Variants in SEPTIN14 observed in about 807,000 individuals in gnomAD.
SEPTIN14 encodes septin 14, also known as septin-14.
Under a neutral mutation model 53.6 loss-of-function variants are expected in SEPTIN14, and 40 were observed. That is an observed-to-expected ratio of 0.75 (90% CI 0.58 to 0.97). The LOEUF (loss-of-function observed/expected upper bound fraction) is 0.97, where lower values mean the gene tolerates loss of function less well. SEPTIN14 is among the 50% of genes least tolerant of loss of function. The pLI is 0.00. For missense variants in SEPTIN14, 471 were observed against 508.2 expected (o/e 0.93, Z 0.70); for synonymous variants, 138 against 166.8 (o/e 0.83, Z 1.33).
chr7:55,858,320 C>T (rs1584276974), intron 2 of SEPTIN14, among the ~76,000 whole-genome samples: 1 of 152,212 alleles, frequency 6.6e-6, no homozygotes. Context: ...AGTATTCTCA[C>T]GTACCTTCAT....
intron 5 of SEPTIN14, among the ~76,000 whole-genome samples, chr7:55,841,604 T>C (rs1789313075): frequency 6.6e-6 from 1 of 151,918 alleles, no homozygotes; most frequent in Non-Finnish European, 1.5e-5. Context: ...GCCTGTAATC[T>C]CAGCATTTTG....
intron 2 of SEPTIN14, among the ~76,000 whole-genome samples, chr7:55,858,032 C>G (rs1199145421): frequency 6.6e-6 from 1 of 152,188 alleles, no homozygotes; most frequent in Non-Finnish European, 1.5e-5. Context: ...GGACATGCAA[C>G]AGCAGCAATG....
At chr7:55,846,065 G>GTATATATA (rs56306800) in intron 3 of SEPTIN14, among the ~76,000 whole-genome samples, 2,456 of 39,552 alleles carry the variant, frequency 0.062, 368 homozygotes, top group African/African-American at 0.16. Flanking sequence ...AAAAAAAAAA[G>GTATATATA]TATATATATA....
chr7:55,849,074 C>T (rs1215388657), intron 2 of SEPTIN14, among the ~76,000 whole-genome samples: 1 of 152,042 alleles, frequency 6.6e-6, no homozygotes, highest in Non-Finnish European at 1.5e-5. Context: ...CCTGAAATCC[C>T]AGCAGTTTGA....
chr7:55,811,396 C>G (rs1788703061), intron 7 of SEPTIN14: 2 of 488,446 alleles, frequency 4.1e-6, no homozygotes, highest in African/African-American at 3.9e-5. Flanking sequence ...CAACTACTGC[C>G]CTTTCTAGGA....
intron 9 of SEPTIN14, among the ~76,000 whole-genome samples, chr7:55,801,567 C>T (rs1293185568): frequency 1.3e-5 from 2 of 152,104 alleles, no homozygotes; most frequent in Non-Finnish European, 2.9e-5. Context: ...ACAAAAAATG[C>T]TACCAAAGAA....
chr7:55,809,303 T>C (rs1788658189), intron 7 of SEPTIN14, among the ~76,000 whole-genome samples: 1 of 144,366 alleles, frequency 6.9e-6, no homozygotes, highest in Admixed American at 7.1e-5. Flanking sequence ...AAAGCTACTA[T>C]GCTTACTTTT....
chr7:55,850,433 C>T (rs538665112), intron 2 of SEPTIN14, among the ~76,000 whole-genome samples: 51 of 152,248 alleles, frequency 3.3e-4, no homozygotes, highest in Middle Eastern at 3.4e-3. Flanking sequence ...TTACACCATG[C>T]ACTCCAGCCT....
At chr7:55,821,816 C>T (rs1788900444) in intron 6 of SEPTIN14, among the ~76,000 whole-genome samples, 2 of 152,106 alleles carry the variant, frequency 1.3e-5, no homozygotes, top group African/African-American at 4.8e-5. Flanking sequence ...TTATTTTCAA[C>T]TTTGGAGAAA....
chr7:55,796,002 T>A lies in SEPTIN14; in HGVS notation c.1210A>T (p.Ile404Leu), dbSNP rs1788426547. 2 of 1,569,518 alleles carry A rather than the reference T, an allele frequency of 1.3e-6. No individual in the cohort carries two copies. Among genetic ancestry groups the A allele is most frequent in the Non-Finnish European group, 1.7e-6 (2 of 1,155,458 alleles). ...GCAGCTTTCATTTTATAAAAATCTA[T>A]GATTTCTCCTTCCAGTTGTTTTTTC... ...EEKKQLEGEI[I>L]DFYKMKAASE... is the part of the protein sequence containing the mutation. The change falls in exon 10 of 10, where the codon ATA (isoleucine) becomes TTA (leucine). Residue 404 changes from isoleucine (I) to leucine (L), a missense_variant. Coordinates refer to ENST00000388975, the MANE Select transcript of SEPTIN14 (RefSeq NM_207366.3).
intron 6 of SEPTIN14, among the ~76,000 whole-genome samples, chr7:55,821,731 G>A (rs1387269275): frequency 6.6e-6 from 1 of 152,126 alleles, no homozygotes; most frequent in Non-Finnish European, 1.5e-5. Context: ...AATTTATATG[G>A]CTTTACAAAT....
At chr7:55,844,828 A>C (rs1789374098) in intron 3 of SEPTIN14, 110 bp from the exon 4 acceptor site, 1 of 479,470 alleles carries the variant, frequency 2.1e-6, no homozygotes, top group South Asian at 7.1e-5. Context: ...AACTCATAGA[A>C]GTAGAGAGTA....
At position 55,843,203 on chromosome 7, in the gene SEPTIN14, A is replaced by C. The variant is rs181825118; in HGVS notation, c.372-75T>G. On this transcript the variant is annotated intron_variant, in intron 4 of 9. Transcript: ENST00000388975. ...CCTGCTTTTTGACCACTTAATGAGC[A>C]GTTAACATGTATGTAAGCAGTTTGC... 1.6e-4 allele frequency: 137 copies of C among 835,700 alleles called. 1 individual carries two copies. The Admixed American group carries it at 3.4e-3, about 21-fold the overall frequency. The allele number at this position is 835,700 out of a possible 1,614,324, so 51.8% of individuals were successfully genotyped here. A position where few individuals can be genotyped will look rare whatever the true frequency, so the allele number is the denominator to read the frequency against.
chr7:55,842,824 A>G (rs1789336344), intron 5 of SEPTIN14, 118 bp downstream of exon 5: 1 of 514,682 alleles, frequency 1.9e-6, no homozygotes, highest in East Asian at 3.5e-5. Flanking sequence ...GAAGCTGGAG[A>G]ATGGCGTGAA....
At chr7:55,839,661 T>C (rs1389187568) in intron 5 of SEPTIN14, among the ~76,000 whole-genome samples, 1 of 152,168 alleles carries the variant, frequency 6.6e-6, no homozygotes, top group East Asian at 1.9e-4. Flanking sequence ...ACTGGGGATC[T>C]TGTAACTTAC....
At chr7:55,798,577 T>C in intron 9 of SEPTIN14, 1 of 383,556 alleles carries the variant, frequency 2.6e-6, no homozygotes, top group South Asian at 2.2e-5. Flanking sequence ...CTGAGAAGGA[T>C]GGACGCAGCC....
chr7:55,859,594 T>A (rs975454451), intron 2 of SEPTIN14, among the ~76,000 whole-genome samples: 7 of 152,234 alleles, frequency 4.6e-5, no homozygotes, highest in African/African-American at 1.7e-4. Context: ...ACTTAAGTTC[T>A]ATTATGATCC....
intron 9 of SEPTIN14, among the ~76,000 whole-genome samples, chr7:55,797,598 G>A (rs560723657): frequency 7.2e-5 from 11 of 152,268 alleles, no homozygotes; most frequent in South Asian, 6.2e-4. Context: ...ATGTTTCCTC[G>A]ACAAACAAAG....
At chr7:55,826,748 G>A (rs1788994707) in intron 6 of SEPTIN14, among the ~76,000 whole-genome samples, 1 of 151,586 alleles carries the variant, frequency 6.6e-6, no homozygotes, top group Admixed American at 6.6e-5. Context: ...AGTGAGCCGA[G>A]GCCATGCCAT....
Sources: allele counts gnomAD v4.1 joint callset (sites outside exome capture counted in the v4.1 genomes callset), GRCh38; gene constraint gnomAD v4.1.1; transcripts MANE v1.5; gene names NCBI Gene and HGNC (gene_info 2026-07-23, HGNC 2026-07-21).